Variants in NXPE2 observed in about 807,000 individuals in gnomAD.
NXPE2 encodes NXPE family member 2.
NXPE2 carries 34 observed loss-of-function variants against 34.4 expected under a neutral mutation model. The observed-to-expected ratio is 0.99, with a 90% CI of 0.75 to 1.31. The LOEUF (loss-of-function observed/expected upper bound fraction) is 1.31. Ranked by LOEUF, NXPE2 falls within the 40% of genes most tolerant of loss-of-function variation. NXPE2 has a pLI of 0.00. For missense variants in NXPE2, 649 were observed against 672.5 expected, an observed-to-expected ratio of 0.97 and a Z score of 0.39; for synonymous variants, 235 against 231.3, an observed-to-expected ratio of 1.02 and a Z score of -0.15.
At chr11:114,661,176 C>A in the NXPE2 span, among the ~76,000 whole-genome samples, 1 of 152,048 alleles carries the variant, frequency 6.6e-6, no homozygotes, top group Admixed American at 6.6e-5. Flanking sequence ...TTAGTTCTCC[C>A]AAAATTGATC....
chr11:114,610,930 C>A, the NXPE2 span, among the ~76,000 whole-genome samples: 3 of 151,806 alleles, frequency 2.0e-5, no homozygotes, highest in African/African-American at 7.3e-5. Flanking sequence ...AGTATTGCCT[C>A]GTGGGTAACC....
At chr11:114,794,657 G>T in the NXPE2 span, among the ~76,000 whole-genome samples, 1 of 152,192 alleles carries the variant, frequency 6.6e-6, no homozygotes, top group Non-Finnish European at 1.5e-5. Flanking sequence ...CAATCTGTCT[G>T]TTCTGTATGC....
the NXPE2 span, among the ~76,000 whole-genome samples, chr11:114,716,418 G>A: frequency 0.84 from 127,141 of 152,142 alleles, 54,041 homozygotes; most frequent in East Asian, 0.92. Flanking sequence ...GGAGGGATGA[G>A]GCATGAAATA....
At chr11:114,746,892 A>G in the NXPE2 span, among the ~76,000 whole-genome samples, 1 of 145,750 alleles carries the variant, frequency 6.9e-6, no homozygotes, top group South Asian at 2.2e-4. Flanking sequence ...CCAAAAAAAA[A>G]AAAAAAACCC....
chr11:114,471,387 A>G, the NXPE2 span, among the ~76,000 whole-genome samples: 1 of 152,202 alleles, frequency 6.6e-6, no homozygotes, highest in Non-Finnish European at 1.5e-5. Flanking sequence ...GAAAAACAAT[A>G]GTAGTTTTTT....
the NXPE2 span, among the ~76,000 whole-genome samples, chr11:114,749,298 T>TAC: frequency 9.2e-4 from 140 of 152,328 alleles, no homozygotes; most frequent in South Asian, 2.7e-3. Flanking sequence ...CATATATACA[T>TAC]ACACACACAT....
the NXPE2 span, among the ~76,000 whole-genome samples, chr11:114,601,659 A>ATTATATATTATAT: frequency 2.6e-5 from 1 of 38,078 alleles, no homozygotes; most frequent in Non-Finnish European, 4.1e-5. Context: ...ATATATTATA[A>ATTATATATTATAT]ATAATTATAT....
At chr11:114,527,736 G>T in the NXPE2 span, 1 of 662,440 alleles carries the variant, frequency 1.5e-6, no homozygotes. Flanking sequence ...TGACATCATA[G>T]ACATCTGCTA....
At chr11:114,699,725 A>AT (rs1951329406) in intron 3 of NXPE2, among the ~76,000 whole-genome samples, 1 of 151,670 alleles carries the variant, frequency 6.6e-6, no homozygotes, top group Non-Finnish European at 1.5e-5. Flanking sequence ...TTTCCAGTAT[A>AT]TTTTTAATAT....
At chr11:114,529,396 C>T in the NXPE2 span, 2 of 152,178 alleles carry the variant, frequency 1.3e-5, no homozygotes, top group African/African-American at 4.8e-5. Flanking sequence ...ATGAAGGAAC[C>T]CTGATGTTTC....
chr11:114,733,062 TTTTGTAATGAATTTCCAAA>T, the NXPE2 span, among the ~76,000 whole-genome samples: 1 of 152,218 alleles, frequency 6.6e-6, no homozygotes, highest in East Asian at 1.9e-4. Flanking sequence ...CAGTGTCTTT[TTTTGTAATGAATTTCCAAA>T]ATATTGGGTT....
At chr11:114,805,097 A>G in the NXPE2 span, among the ~76,000 whole-genome samples, 1 of 152,114 alleles carries the variant, frequency 6.6e-6, no homozygotes, top group Admixed American at 6.5e-5. Context: ...TCACTCCTTA[A>G]ATGTAAGACA....
At chr11:114,675,096 A>G (rs1003423252), upstream of NXPE2, among the ~76,000 whole-genome samples, 6 of 151,896 alleles carry the variant, frequency 4.0e-5, no homozygotes, top group Admixed American at 3.9e-4. Context: ...ACAATATTCA[A>G]TGTCTTTTCA....
chr11:114,476,020 G>C, the NXPE2 span, among the ~76,000 whole-genome samples: 25 of 152,172 alleles, frequency 1.6e-4, no homozygotes, highest in Middle Eastern at 3.2e-3. Flanking sequence ...AAAGCTAGCA[G>C]TGAACTTTAT....
the NXPE2 span, among the ~76,000 whole-genome samples, chr11:114,645,021 G>T: frequency 6.6e-6 from 1 of 151,662 alleles, no homozygotes; most frequent in African/African-American, 2.4e-5. Flanking sequence ...AAAAAAACAG[G>T]CCGGGCATAG....
chr11:114,530,655 A>C, the NXPE2 span: 29 of 1,614,048 alleles, frequency 1.8e-5, no homozygotes, highest in Non-Finnish European at 2.4e-5. Flanking sequence ...TAGGATGTCC[A>C]GCTGGTCTCC....
the NXPE2 span, among the ~76,000 whole-genome samples, chr11:114,630,341 C>G: frequency 6.6e-6 from 1 of 151,718 alleles, no homozygotes; most frequent in Non-Finnish European, 1.5e-5. Flanking sequence ...ATCAATGGAA[C>G]AGAACATAGC....
chr11:114,743,924 T>C, the NXPE2 span, among the ~76,000 whole-genome samples: 1 of 151,428 alleles, frequency 6.6e-6, no homozygotes, highest in African/African-American at 2.4e-5. Context: ...CACATATATG[T>C]ATATATAAGT....
the NXPE2 span, among the ~76,000 whole-genome samples, chr11:114,564,425 TA>T: frequency 6.6e-6 from 1 of 152,122 alleles, no homozygotes; most frequent in East Asian, 1.9e-4. Flanking sequence ...ATAATCATCC[TA>T]AAAAAATAAA....
Sources: allele counts gnomAD v4.1 joint callset (sites outside exome capture counted in the v4.1 genomes callset), GRCh38; gene constraint gnomAD v4.1.1; transcripts MANE v1.5; gene names NCBI Gene and HGNC (gene_info 2026-07-23, HGNC 2026-07-21).